ANGPT2: variants seen among roughly 807,000 people sequenced by gnomAD.
The protein encoded by ANGPT2 is angiopoietin 2, also known as angiopoietin-2.
A neutral mutation model predicts 62.9 loss-of-function variants in ANGPT2; 28 were observed. The ratio of observed to expected loss-of-function variants is 0.44; its 90% CI spans 0.33 to 0.61. The LOEUF is 0.61. ANGPT2 is among the 20% of genes least tolerant of loss of function. ANGPT2 has a pLI of 0.03. For missense variants in ANGPT2, 727 were observed against 594.9 expected (o/e 1.22, Z -2.31); for synonymous variants, 284 against 207.8 (o/e 1.37, Z -3.15).
At chr8:6,512,292 C>T (rs1010801379) in intron 7 of ANGPT2, among the ~76,000 whole-genome samples, 6 of 152,210 alleles carry the variant, frequency 3.9e-5, no homozygotes. Flanking sequence ...CTTCTCCGTG[C>T]TGCCCACCAC....
At chr8:6,559,154 C>T (rs945553908) in intron 1 of ANGPT2, among the ~76,000 whole-genome samples, 2 of 151,978 alleles carry the variant, frequency 1.3e-5, no homozygotes, top group Non-Finnish European at 2.9e-5. Flanking sequence ...TTTCTTTCCT[C>T]TAATGAACCA....
In ANGPT2 at chr8:6,502,878, A is replaced by C. The variant is rs1586158760; in HGVS notation, c.*223T>G. On this transcript the variant is annotated 3_prime_UTR_variant, in exon 9 of 9. Transcript: ENST00000629816. ...TCATCTTTGCATAGGTGTTCTGTCT[A>C]ATCACAATTATGGATGTTTAGGGTC... 1.9e-6 allele frequency: 1 copy of C among 538,234 alleles called. No individual in the cohort carries two copies. Among genetic ancestry groups the C allele is most frequent in the Non-Finnish European group, 3.3e-6 (1 of 305,722 alleles). 33.3% of individuals were successfully genotyped at this position (538,234 alleles called of 1,614,324 possible).
intron 1 of ANGPT2, among the ~76,000 whole-genome samples, chr8:6,543,712 A>C (rs187330267): frequency 1.3e-5 from 2 of 152,024 alleles, no homozygotes; most frequent in Non-Finnish European, 2.9e-5. Flanking sequence ...AAGATAATCT[A>C]CCCCTTGTAT....
chr8:6,503,156 C>T lies in ANGPT2; in HGVS notation c.1433G>A (p.Gly478Asp). The change falls in exon 9 of 9, where the codon GGC (glycine) becomes GAC (aspartate). Residue 478 changes from glycine (G) to aspartate (D), a missense_variant. Gly to Asp is a moderately conservative substitution (Grantham distance 94, BLOSUM62 -1). Coordinates refer to ENST00000629816, the MANE Select transcript of ANGPT2 (RefSeq NM_001118887.2). Reference sequence around the variant, plus strand: ...TGTGGCCTTGAGCGAATAGCCTGAGCCTTTCCAGTAGTACCATTTAATGCC... The same window carrying T: ...TGTGGCCTTGAGCGAATAGCCTGAGTCTTTCCAGTAGTACCATTTAATGCC... ...FNGIKWYYWKGSGYSLKATTM... is the reference protein window; with the variant it reads ...FNGIKWYYWKDSGYSLKATTM... 2 of 1,614,150 alleles carry T rather than the reference C, an allele frequency of 1.2e-6. No individual in the cohort carries two copies. The highest frequency in any genetic ancestry group is 1.7e-6 in the Non-Finnish European group (2 of 1,180,024).
chr8:6,531,242 G>A (rs1563076574), intron 2 of ANGPT2, among the ~76,000 whole-genome samples: 2 of 150,754 alleles, frequency 1.3e-5, no homozygotes, highest in South Asian at 4.3e-4. Context: ...TTCTTCTTTT[G>A]AAATTTTCCT....
At chr8:6,543,337 G>C (rs983034437) in intron 1 of ANGPT2, among the ~76,000 whole-genome samples, 1 of 152,170 alleles carries the variant, frequency 6.6e-6, no homozygotes, top group Admixed American at 6.5e-5. Context: ...CTCAGTATGG[G>C]TGATGGCTCT....
chr8:6,545,248 A>G (rs1405634478), intron 1 of ANGPT2, among the ~76,000 whole-genome samples: 1 of 152,116 alleles, frequency 6.6e-6, no homozygotes, highest in African/African-American at 2.4e-5. Context: ...TGTTTCCTAG[A>G]TCTTGACCTC....
Position 6,513,706 on chromosome 8 carries a change from A to G in ANGPT2, c.1168T>C (p.Tyr390His). 6.2e-7 allele frequency: 1 copy of G among 1,612,826 alleles called. No individual in the cohort carries two copies. The highest frequency in any genetic ancestry group is 8.5e-7 in the Non-Finnish European group (1 of 1,179,662). ...NEAYSLYEHF[Y>H]LSSEELNYRI... The stretch of plus-strand genomic sequence containing the variant: ...TAATTGAGTTCTTCACTTGAGAGAT[A>G]GAAATGTTCATACAATGAGTAAGCC... The change falls in exon 7 of 9, where the codon TAT becomes CAT. Residue 390 changes from tyrosine (Y) to histidine (H), a missense_variant. Transcript: ENST00000629816.
intron 7 of ANGPT2, among the ~76,000 whole-genome samples, chr8:6,512,280 C>T (rs773149339): frequency 9.9e-5 from 15 of 152,118 alleles, no homozygotes; most frequent in Non-Finnish European, 1.9e-4. Flanking sequence ...GACATTTAGC[C>T]GCTTCTCCGT....
chr8:6,504,501 C>G (rs1044632636), intron 8 of ANGPT2, among the ~76,000 whole-genome samples: 13 of 151,918 alleles, frequency 8.6e-5, no homozygotes, highest in Admixed American at 7.9e-4. Flanking sequence ...GTTATTAGAT[C>G]GATTGTCACA....
intron 1 of ANGPT2, among the ~76,000 whole-genome samples, chr8:6,542,380 GT>G (rs1821769828): frequency 1.3e-5 from 2 of 152,020 alleles, no homozygotes; most frequent in Non-Finnish European, 2.9e-5. Context: ...CAAAACTTGT[GT>G]GTGTGTGTTT....
At chr8:6,539,916 A>G (rs962873109) in intron 1 of ANGPT2, among the ~76,000 whole-genome samples, 1 of 152,202 alleles carries the variant, frequency 6.6e-6, no homozygotes, top group African/African-American at 2.4e-5. Context: ...ACTATCTGAT[A>G]CTGTATCTAG....
At chr8:6,559,110 G>A (rs1051155402) in intron 1 of ANGPT2, among the ~76,000 whole-genome samples, 1 of 152,070 alleles carries the variant, frequency 6.6e-6, no homozygotes, top group Non-Finnish European at 1.5e-5. Context: ...GGAGGACCAC[G>A]GGAGACCAGT....
At chr8:6,561,276 TC>T (rs1333983415) in intron 1 of ANGPT2, among the ~76,000 whole-genome samples, 10 of 152,246 alleles carry the variant, frequency 6.6e-5, no homozygotes, top group Admixed American at 6.5e-4. Flanking sequence ...GAGTTTTATG[TC>T]ACATGAAATC....
intron 5 of ANGPT2, among the ~76,000 whole-genome samples, chr8:6,518,759 C>G (rs1175497164): frequency 6.6e-6 from 1 of 152,144 alleles, no homozygotes; most frequent in Non-Finnish European, 1.5e-5. Flanking sequence ...TATGTAGCTG[C>G]TTTTACATTT....
intron 1 of ANGPT2, among the ~76,000 whole-genome samples, chr8:6,534,339 T>C (rs1390466159): frequency 6.6e-6 from 1 of 151,826 alleles, no homozygotes; most frequent in Non-Finnish European, 1.5e-5. Flanking sequence ...TACGAGAGGA[T>C]GTGTATAGGT....
intron 2 of ANGPT2, among the ~76,000 whole-genome samples, chr8:6,528,122 C>T (rs1433197920): frequency 6.6e-6 from 1 of 152,148 alleles, no homozygotes; most frequent in Non-Finnish European, 1.5e-5. Flanking sequence ...GTCTGGAACT[C>T]CTGACCTCAA....
intron 1 of ANGPT2, 133 bp downstream of exon 1, chr8:6,562,514 C>G (rs1246849987): frequency 1.3e-6 from 1 of 775,750 alleles, no homozygotes; most frequent in Non-Finnish European, 1.8e-6. Flanking sequence ...AGGGTACCAG[C>G]AACCCGCTCT....
intron 1 of ANGPT2, among the ~76,000 whole-genome samples, chr8:6,556,558 C>T (rs1824641713): frequency 6.6e-6 from 1 of 152,184 alleles, no homozygotes; most frequent in African/African-American, 2.4e-5. Context: ...TGCTACACTA[C>T]ACGTTCTGAC....
Sources: gnomAD v4.1 joint callset for allele counts (sites outside exome capture counted in the v4.1 genomes callset) on GRCh38, gnomAD v4.1.1 for gene constraint, MANE v1.5 for transcripts, NCBI Gene and HGNC (gene_info 2026-07-23, HGNC 2026-07-21) for gene names.